PLSCR5: variants seen among roughly 807,000 people sequenced by gnomAD.
PLSCR5 encodes the protein phospholipid scramblase family, member 5.
A neutral mutation model predicts 33.6 loss-of-function variants in PLSCR5; 44 were observed. That is an observed-to-expected ratio of 1.31 (90% CI 1.03 to 1.69). The LOEUF is 1.69. PLSCR5 is among the 40% of genes most tolerant of loss of function. The pLI is 0.00. For synonymous variants in PLSCR5, 148 were observed against 112.3 expected (o/e 1.32, Z -2.01); for missense variants, 375 against 318.7 (o/e 1.18, Z -1.34).
At chr3:146,602,662 T>C (rs1381209412) in intron 1 of PLSCR5, among the ~76,000 whole-genome samples, 3 of 152,074 alleles carry the variant, frequency 2.0e-5, no homozygotes, top group Non-Finnish European at 4.4e-5. Context: ...CAATAGCTAG[T>C]ATAAGATTTT....
chr3:146,585,880 T>C lies in PLSCR5; in HGVS notation c.*107A>G, dbSNP rs2044662057. ...TTAATAAATATAATAATTAACATTT[T>C]TTTTTAACAAAAAAGCAAACATTCA... is the stretch of plus-strand genomic sequence containing the variant. On this transcript the variant is annotated 3_prime_UTR_variant, in exon 8 of 8. Transcript: ENST00000443512. 4 of 466,302 alleles carry C rather than the reference T, an allele frequency of 8.6e-6. No homozygotes were observed. In the South Asian group the frequency reaches 1.5e-4, roughly 18 times the overall value. 28.9% of individuals were successfully genotyped at this position (466,302 alleles called of 1,614,324 possible).
chr3:146,604,581 T>C (rs2044848354), intron 1 of PLSCR5, among the ~76,000 whole-genome samples: 1 of 152,050 alleles, frequency 6.6e-6, no homozygotes, highest in Middle Eastern at 3.2e-3. Flanking sequence ...TTCTTTATAA[T>C]AAATGGCTAT....
chr3:146,591,112 T>C (rs1264616552), intron 5 of PLSCR5, among the ~76,000 whole-genome samples: 3 of 151,750 alleles, frequency 2.0e-5, no homozygotes, highest in Non-Finnish European at 4.4e-5. Flanking sequence ...AACTGGGATA[T>C]GTGATCTCAA....
chr3:146,592,015 C>T (rs1576819948), intron 4 of PLSCR5, 134 bp from the exon 5 acceptor site: 1 of 804,618 alleles, frequency 1.2e-6, no homozygotes, highest in East Asian at 2.8e-5. Flanking sequence ...TTCTAAATAC[C>T]TGCTTCTAAG....
In PLSCR5 at chr3:146,591,818, G is replaced by T. The variant is rs2107852494; in HGVS notation, c.517C>A (p.Leu173Met). ...GYVTQKWDPF[L>M]PKFTIQNANK... ...GCATTTTGGATTGTGAATTTAGGCA[G>T]AAAGGGGTCCCACTTCTGCGTAACG... The change falls in exon 5 of 8, where the codon CTG (leucine) becomes ATG (methionine). Residue 173 changes from leucine (L) to methionine (M), a missense_variant. Physicochemically the swap from Leu to Met is conservative, Grantham distance 15. Coordinates refer to ENST00000443512, the MANE Select transcript of PLSCR5 (RefSeq NM_001085420.2). 2 of 1,612,410 alleles carry T rather than the reference G, an allele frequency of 1.2e-6. No individual in the cohort carries two copies. The highest frequency in any genetic ancestry group is 1.7e-6 in the Non-Finnish European group (2 of 1,179,012).
chr3:146,583,444 C>A (rs892460064), downstream of PLSCR5, among the ~76,000 whole-genome samples: 1 of 152,086 alleles, frequency 6.6e-6, no homozygotes, highest in African/African-American at 2.4e-5. Context: ...GGACAAGAGG[C>A]AGTAGTGCAC....
chr3:146,598,822 A>C lies in PLSCR5; in HGVS notation c.189+1466T>G, dbSNP rs554747393. Among the ~76,000 whole-genome samples the C allele has an allele frequency of 7.2e-5, 11 of 152,308 alleles. No homozygotes were observed. The East Asian group carries it at 2.1e-3, about 29-fold the overall frequency. On this transcript the variant is annotated intron_variant, in intron 2 of 7. Coordinates refer to ENST00000443512, the MANE Select transcript of PLSCR5 (RefSeq NM_001085420.2). ...AGGTTTGCGTTTCCAGCTCTTTTAC[A>C]TATCTCCCTGAGCTCTCCAGTCTCT...
chr3:146,588,528 G>A (rs67678931), intron 6 of PLSCR5, among the ~76,000 whole-genome samples: 43,303 of 151,760 alleles, frequency 0.29, 6,332 homozygotes, highest in African/African-American at 0.36. Flanking sequence ...GAGACTCAGG[G>A]AAATGCACAT....
At chr3:146,605,057 T>C in intron 1 of PLSCR5, 143 bp downstream of exon 1, 1 of 806,316 alleles carries the variant, frequency 1.2e-6, no homozygotes, top group South Asian at 2.8e-5. Flanking sequence ...CTCCTGGGAG[T>C]TAAGATTTTA....
At chr3:146,586,220 G>T in intron 6 of PLSCR5, 108 bp from the exon 7 acceptor site, 2 of 1,081,604 alleles carry the variant, frequency 1.8e-6, no homozygotes, top group Non-Finnish European at 1.2e-6. Flanking sequence ...ATTTCCAGTG[G>T]TGTTCCAGTA....
intron 6 of PLSCR5, among the ~76,000 whole-genome samples, chr3:146,586,578 A>G (rs1033340100): frequency 1.3e-5 from 2 of 152,168 alleles, no homozygotes; most frequent in African/African-American, 4.8e-5. Context: ...ATATTTGAAC[A>G]AAAATTAGAT....
rs1576821237 is a variant in PLSCR5, at chr3:146,594,151, A to C, written c.233-11T>G. 1 of 732,520 alleles carries C rather than the reference A, an allele frequency of 1.4e-6. No individual in the cohort carries two copies. Among genetic ancestry groups the C allele is most frequent in the South Asian group, 2.5e-5 (1 of 39,976 alleles). 45.4% of individuals were successfully genotyped at this position (732,520 alleles called of 1,614,324 possible). Reference sequence around the variant, plus strand: ...CAGTACCAAGTATCACTAATGGAACAAAAAAAAAATTATAAAAACATTTTT... The same window carrying C: ...CAGTACCAAGTATCACTAATGGAACCAAAAAAAAATTATAAAAACATTTTT... On this transcript the variant is annotated splice_polypyrimidine_tract_variant and intron_variant, in intron 3 of 7. Coordinates refer to ENST00000443512, the MANE Select transcript of PLSCR5 (RefSeq NM_001085420.2).
chr3:146,585,650 A>C (rs1053944170), downstream of PLSCR5, among the ~76,000 whole-genome samples: 12 of 140,336 alleles, frequency 8.6e-5, no homozygotes, highest in African/African-American at 3.2e-4. Flanking sequence ...TACCAGAAAA[A>C]CTTCAAAAGT....
downstream of PLSCR5, among the ~76,000 whole-genome samples, chr3:146,584,365 A>G (rs1006619980): frequency 1.3e-5 from 2 of 152,192 alleles, no homozygotes; most frequent in Admixed American, 1.3e-4. Context: ...AGGTTGCAGC[A>G]CTGGCAAACA....
chr3:146,583,560 A>G (rs1451839810), downstream of PLSCR5, among the ~76,000 whole-genome samples: 1 of 152,224 alleles, frequency 6.6e-6, no homozygotes, highest in East Asian at 1.9e-4. Flanking sequence ...TTTGGTGGAA[A>G]AGGGAAAAGT....
At chr3:146,585,403 G>C (rs1216736833), downstream of PLSCR5, among the ~76,000 whole-genome samples, 2 of 151,966 alleles carry the variant, frequency 1.3e-5, no homozygotes, top group African/African-American at 4.8e-5. Flanking sequence ...GCATGCTTTG[G>C]TTTGTAAATA....
intron 1 of PLSCR5, among the ~76,000 whole-genome samples, chr3:146,601,637 A>C (rs964287813): frequency 6.6e-6 from 1 of 152,188 alleles, no homozygotes; most frequent in Non-Finnish European, 1.5e-5. Context: ...AGCTACACAA[A>C]GATTTGAATA....
chr3:146,583,423 G>A (rs972452821), downstream of PLSCR5, among the ~76,000 whole-genome samples: 1 of 152,098 alleles, frequency 6.6e-6, no homozygotes, highest in Non-Finnish European at 1.5e-5. Context: ...TGTATTCTGG[G>A]GTTGTCCTGG....
At position 146,605,344 on chromosome 3, in the gene PLSCR5, T is replaced by TA. The variant is rs1219641830; in HGVS notation, c.-133dup. 56 of 1,514,402 alleles carry TA rather than the reference T, an allele frequency of 3.7e-5. No individual in the cohort carries two copies. The highest frequency in any genetic ancestry group is 4.7e-5 in the Non-Finnish European group (53 of 1,128,792). 93.8% of individuals were successfully genotyped at this position (1,514,402 alleles called of 1,614,324 possible). A position where few individuals can be genotyped will look rare whatever the true frequency, so the allele number is the denominator to read the frequency against. On this transcript the variant is annotated 5_prime_UTR_variant, in exon 1 of 8. Transcript: ENST00000443512. Reference sequence around the variant, plus strand: ...TTTGTCTGCCTCTTGTCAGCTTACATATAACAGAGGAAGGGAGTCCCTTGC... The same window carrying TA: ...TTTGTCTGCCTCTTGTCAGCTTACATAATAACAGAGGAAGGGAGTCCCTTGC...
Sources: gnomAD v4.1 joint callset for allele counts (sites outside exome capture counted in the v4.1 genomes callset) on GRCh38, gnomAD v4.1.1 for gene constraint, MANE v1.5 for transcripts, NCBI Gene and HGNC (gene_info 2026-07-23, HGNC 2026-07-21) for gene names.